Variants in PTPRT observed in about 807,000 individuals in gnomAD.
PTPRT encodes the protein protein tyrosine phosphatase receptor type T.
A neutral mutation model predicts 176.8 loss-of-function variants in PTPRT; 56 were observed. The ratio of observed to expected loss-of-function variants is 0.32; its 90% CI spans 0.26 to 0.40. The LOEUF (loss-of-function observed/expected upper bound fraction) is 0.40, where lower values mean the gene tolerates loss of function less well. Among genes scored for constraint, PTPRT ranks in the 10% least tolerant of loss-of-function variants. PTPRT has a pLI of 1.00. For missense variants in PTPRT, 1,540 were observed against 1,908.2 expected (o/e 0.81, Z 3.60); for synonymous variants, 783 against 739.0 (o/e 1.06, Z -0.96).
At chr20:42,604,067 G>T (rs2073831009) in intron 7 of PTPRT, among the ~76,000 whole-genome samples, 1 of 152,176 alleles carries the variant, frequency 6.6e-6, no homozygotes, top group African/African-American at 2.4e-5. Context: ...AATACACCAA[G>T]TGTCGGCAAA....
chr20:42,967,528 C>T (rs1365799928), intron 1 of PTPRT, among the ~76,000 whole-genome samples: 1 of 152,112 alleles, frequency 6.6e-6, no homozygotes, highest in African/African-American at 2.4e-5. Flanking sequence ...CCTAGAGCCT[C>T]CAAGGAAGTG....
At chr20:42,508,275 T>G (rs1249498608) in intron 7 of PTPRT, among the ~76,000 whole-genome samples, 1 of 151,896 alleles carries the variant, frequency 6.6e-6, no homozygotes, top group Admixed American at 6.6e-5. Flanking sequence ...GCCTGCTGAA[T>G]AGCAGGAAAG....
At chr20:42,403,222 T>C (rs1005802464) in intron 9 of PTPRT, among the ~76,000 whole-genome samples, 3 of 152,216 alleles carry the variant, frequency 2.0e-5, no homozygotes, top group African/African-American at 7.2e-5. Flanking sequence ...TCCTTGATTA[T>C]TGAACATCCT....
At chr20:42,151,109 A>G (rs1365836941) in intron 17 of PTPRT, among the ~76,000 whole-genome samples, 1 of 148,700 alleles carries the variant, frequency 6.7e-6, no homozygotes. Flanking sequence ...TGCCATCTTC[A>G]GTCAAAAACA....
chr20:42,331,851 A>G (rs1490998146), intron 11 of PTPRT, among the ~76,000 whole-genome samples: 1 of 152,162 alleles, frequency 6.6e-6, no homozygotes, highest in Non-Finnish European at 1.5e-5. Context: ...GACCCATTCA[A>G]TGATTCTGTA....
chr20:42,247,472 G>A (rs1304829908), intron 14 of PTPRT, among the ~76,000 whole-genome samples: 2 of 151,048 alleles, frequency 1.3e-5, no homozygotes, highest in Admixed American at 1.3e-4. Context: ...TAGTTGTTAG[G>A]GGTATTCTGT....
intron 1 of PTPRT, among the ~76,000 whole-genome samples, chr20:42,939,440 T>C (rs1357974258): frequency 6.6e-6 from 1 of 152,220 alleles, no homozygotes; most frequent in African/African-American, 2.4e-5. Context: ...GGAGCTTGTC[T>C]GTCTTCCCCC....
At chr20:43,168,328 G>T (rs1376724808) in intron 1 of PTPRT, among the ~76,000 whole-genome samples, 1 of 152,128 alleles carries the variant, frequency 6.6e-6, no homozygotes, top group Non-Finnish European at 1.5e-5. Context: ...TCTGAGTCCA[G>T]GAGAAAGAGA....
intron 7 of PTPRT, among the ~76,000 whole-genome samples, chr20:42,641,445 C>G (rs1208790190): frequency 1.3e-5 from 2 of 152,162 alleles, no homozygotes; most frequent in East Asian, 3.9e-4. Flanking sequence ...TTTATACATT[C>G]TCTCTGTCTC....
chr20:42,732,539 A>G (rs2076476946), intron 6 of PTPRT, among the ~76,000 whole-genome samples: 1 of 152,266 alleles, frequency 6.6e-6, no homozygotes, highest in South Asian at 2.1e-4. Flanking sequence ...ATGACATCTA[A>G]CATGAGCTTT....
At chr20:43,021,646 G>A (rs1055844639) in intron 1 of PTPRT, among the ~76,000 whole-genome samples, 1 of 152,060 alleles carries the variant, frequency 6.6e-6, no homozygotes, top group Non-Finnish European at 1.5e-5. Flanking sequence ...TTCCAACCTA[G>A]CCCTAACAGA....
chr20:42,535,907 A>T (rs1181477736), intron 7 of PTPRT, among the ~76,000 whole-genome samples: 1 of 152,186 alleles, frequency 6.6e-6, no homozygotes, highest in Non-Finnish European at 1.5e-5. Context: ...GTACTGCCAG[A>T]AGTCACTTTC....
At chr20:43,026,190 T>G (rs1159228854) in intron 1 of PTPRT, among the ~76,000 whole-genome samples, 1 of 152,178 alleles carries the variant, frequency 6.6e-6, no homozygotes, top group African/African-American at 2.4e-5. Context: ...CGACCTCAGC[T>G]CACTGCAACC....
intron 7 of PTPRT, among the ~76,000 whole-genome samples, chr20:42,542,902 A>C (rs2072608642): frequency 6.6e-6 from 1 of 152,220 alleles, no homozygotes; most frequent in Non-Finnish European, 1.5e-5. Flanking sequence ...TTATGTGTAC[A>C]CTATAGTCTA....
At chr20:42,909,080 A>C (rs2079513975) in intron 1 of PTPRT, among the ~76,000 whole-genome samples, 1 of 152,156 alleles carries the variant, frequency 6.6e-6, no homozygotes, top group Admixed American at 6.5e-5. Flanking sequence ...ACTTGAACCC[A>C]GGAGTTTGAG....
At chr20:42,598,595 T>C (rs2073718134) in intron 7 of PTPRT, among the ~76,000 whole-genome samples, 3 of 152,224 alleles carry the variant, frequency 2.0e-5, no homozygotes, top group African/African-American at 7.2e-5. Context: ...TTAGCTGTTT[T>C]CTGCATTTTT....
chr20:42,637,941 A>G (rs919279113), intron 7 of PTPRT, among the ~76,000 whole-genome samples: 1 of 152,156 alleles, frequency 6.6e-6, no homozygotes, highest in Non-Finnish European at 1.5e-5. Context: ...TGTACACTAT[A>G]TGAGAGAATT....
intron 13 of PTPRT, among the ~76,000 whole-genome samples, chr20:42,274,589 G>C (rs1474810911): frequency 7.0e-6 from 1 of 143,768 alleles, no homozygotes; most frequent in Non-Finnish European, 1.5e-5. Context: ...GTGTGTGTGT[G>C]TGTTAGCCTG....
intron 6 of PTPRT, among the ~76,000 whole-genome samples, chr20:42,719,486 C>A (rs1373634173): frequency 6.6e-6 from 1 of 152,188 alleles, no homozygotes; most frequent in African/African-American, 2.4e-5. Flanking sequence ...TGACTTCTCT[C>A]CAACAGCTTG....
Sources: gnomAD v4.1 joint callset for allele counts (sites outside exome capture counted in the v4.1 genomes callset) on GRCh38, gnomAD v4.1.1 for gene constraint, MANE v1.5 for transcripts, NCBI Gene and HGNC (gene_info 2026-07-23, HGNC 2026-07-21) for gene names.